Variants in SLC12A1 observed in about 807,000 individuals in gnomAD.
SLC12A1 encodes the protein solute carrier family 12 member 1, also known as Na-K-2Cl cotransporter.
SLC12A1 carries 89 observed loss-of-function variants against 130.4 expected under a neutral mutation model. The observed-to-expected ratio is 0.68, with a 90% CI of 0.58 to 0.81. The LOEUF (loss-of-function observed/expected upper bound fraction) is 0.81, where lower values mean the gene tolerates loss of function less well. Ranked by LOEUF, SLC12A1 falls within the 40% of genes least tolerant of loss-of-function variation. The pLI is 0.00. For missense variants in SLC12A1, 1,310 were observed against 1,336.4 expected (o/e 0.98, Z 0.31); for synonymous variants, 499 against 460.0 (o/e 1.08, Z -1.09).
intron 26 of SLC12A1, 110 bp downstream of exon 26, chr15:48,301,492 GT>G: frequency 1.8e-6 from 1 of 567,858 alleles, no homozygotes; most frequent in Non-Finnish European, 2.6e-6. Flanking sequence ...TTTTGTTTTT[GT>G]GTTTTTTTTG....
intron 11 of SLC12A1, 150 bp downstream of exon 11, chr15:48,245,054 C>G (rs1055568619): frequency 3.9e-5 from 29 of 751,326 alleles, no homozygotes; most frequent in Non-Finnish European, 6.4e-5. Context: ...AGGAGTCATA[C>G]AGTCATTACA....
chr15:48,216,315 A>G (rs1351486641), intron 2 of SLC12A1, among the ~76,000 whole-genome samples: 2 of 152,242 alleles, frequency 1.3e-5, no homozygotes, highest in African/African-American at 4.8e-5. Context: ...AAGGGCATCC[A>G]TCAGGAAGGA....
intron 20 of SLC12A1, among the ~76,000 whole-genome samples, chr15:48,276,625 G>A (rs973784212): frequency 1.3e-5 from 2 of 152,126 alleles, no homozygotes; most frequent in African/African-American, 4.8e-5. Context: ...CCGGCCTCCA[G>A]AATTGTGAGG....
chr15:48,242,143 T>C (rs1311635982), intron 10 of SLC12A1, among the ~76,000 whole-genome samples: 2 of 152,194 alleles, frequency 1.3e-5, no homozygotes, highest in African/African-American at 2.4e-5. Context: ...AGCCCCTACA[T>C]TGTTCAGTGA....
At chr15:48,273,416 A>G (rs577694151) in intron 19 of SLC12A1, among the ~76,000 whole-genome samples, 5 of 152,146 alleles carry the variant, frequency 3.3e-5, no homozygotes, top group South Asian at 4.1e-4. Flanking sequence ...TAATCTCCCC[A>G]TCTCAAAGTC....
chr15:48,240,127 A>G (rs1489839346), intron 9 of SLC12A1, among the ~76,000 whole-genome samples: 2 of 142,094 alleles, frequency 1.4e-5, no homozygotes, highest in Admixed American at 1.4e-4. Context: ...ATATATATAT[A>G]ATATGCATAA....
At chr15:48,276,049 T>C (rs2141099532) in intron 20 of SLC12A1, among the ~76,000 whole-genome samples, 1 of 152,230 alleles carries the variant, frequency 6.6e-6, no homozygotes, top group East Asian at 1.9e-4. Context: ...AAGAACAGAA[T>C]TGAAAAGTAT....
chr15:48,226,774 T>C (rs2041294273), intron 5 of SLC12A1: 1 of 616,742 alleles, frequency 1.6e-6, no homozygotes, highest in Middle Eastern at 3.8e-4. Flanking sequence ...TGGATCTCTC[T>C]GGCACATTGT....
chr15:48,254,628 A>C (rs1268846251), intron 15 of SLC12A1, among the ~76,000 whole-genome samples: 3 of 139,652 alleles, frequency 2.1e-5, no homozygotes, highest in Admixed American at 1.4e-4. Flanking sequence ...AAAAAAAAAA[A>C]AACCCAAAAA....
chr15:48,220,173 A>AGAT (rs2041191398), intron 2 of SLC12A1, among the ~76,000 whole-genome samples: 1 of 150,734 alleles, frequency 6.6e-6, no homozygotes, highest in Non-Finnish European at 1.5e-5. Context: ...ATAGATAGAT[A>AGAT]GATAGATAGA....
At chr15:48,301,242 T>A in intron 25 of SLC12A1, 73 bp from the exon 26 acceptor site, 1 of 1,024,604 alleles carries the variant, frequency 9.8e-7, no homozygotes. Context: ...TGCTTGTTCA[T>A]GATTTAAGAA....
intron 23 of SLC12A1, among the ~76,000 whole-genome samples, chr15:48,289,179 T>C (rs932318082): frequency 1.3e-5 from 2 of 151,294 alleles, no homozygotes; most frequent in South Asian, 4.2e-4. Flanking sequence ...GTGAGAATAA[T>C]AAGCATGCTG....
rs886051214 is a variant in SLC12A1 at position 48,288,497 on chromosome 15, A to C, written c.2854A>C (p.Ile952Leu). 3.9e-6 allele frequency: 6 copies of C among 1,538,910 alleles called. No homozygotes were observed. The highest frequency in any genetic ancestry group is 2.7e-5 in the African/African-American group (2 of 72,968). The change falls in exon 23 of 27, where the codon ATT (isoleucine) becomes CTT (leucine). Residue 952 changes from isoleucine to leucine, a missense_variant. Physicochemically the swap from Ile to Leu is conservative, Grantham distance 5 (BLOSUM62 2). Transcript: ENST00000380993. ...CTATGTGGGAGGGAAGATCAACCGCATTGAAGAAGAAAAAATTGTGTAAGT... is the reference window on the plus strand; with the variant it reads ...CTATGTGGGAGGGAAGATCAACCGCCTTGAAGAAGAAAAAATTGTGTAAGT... The part of the protein sequence containing the change: ...RIYVGGKINR[I>L]EEEKIVMASL...
chr15:48,288,380 T>C (rs997019168), intron 22 of SLC12A1, 25 bp from the exon 23 acceptor site: 1 of 1,240,844 alleles, frequency 8.1e-7, no homozygotes, highest in Non-Finnish European at 1.1e-6. Flanking sequence ...ATACTCATTG[T>C]GTCATAATTT....
chr15:48,285,371 G>C (rs1316752500), intron 21 of SLC12A1, 122 bp downstream of exon 21: 1 of 877,120 alleles, frequency 1.1e-6, no homozygotes, highest in Non-Finnish European at 1.8e-6. Context: ...GGAACTGAAA[G>C]GTTTCTCTCC....
intron 22 of SLC12A1, 43 bp from the exon 23 acceptor site, chr15:48,288,362 A>T: frequency 8.7e-7 from 1 of 1,154,348 alleles, no homozygotes; most frequent in Non-Finnish European, 1.3e-6. Context: ...ATTTCCTTCC[A>T]TTTAGATATA....
chr15:48,281,220 G>A (rs536803035), intron 20 of SLC12A1, among the ~76,000 whole-genome samples: 15 of 152,240 alleles, frequency 9.9e-5, no homozygotes, highest in South Asian at 8.3e-4. Context: ...TAGTACCTAC[G>A]TCACAGATTT....
chr15:48,213,748 C>T (rs753567303), intron 2 of SLC12A1, among the ~76,000 whole-genome samples: 1 of 152,078 alleles, frequency 6.6e-6, no homozygotes, highest in Non-Finnish European at 1.5e-5. Flanking sequence ...TGGTCTCGAT[C>T]TCCTGACCTC....
chr15:48,241,611 G>A lies in SLC12A1; in HGVS notation c.1300+12G>A, dbSNP rs147511178. ...TGCAATTTGTGTAGGTAAGTGGTACGTCTCCAGTGTCAGAATGTCAGAATT... is the reference window on the plus strand; with the variant it reads ...TGCAATTTGTGTAGGTAAGTGGTACATCTCCAGTGTCAGAATGTCAGAATT... On this transcript the variant is annotated intron_variant, in intron 10 of 26. Transcript: ENST00000380993. The A allele has an allele frequency of 3.9e-3, 6,212 of 1,584,184 alleles. 22 individuals carry two copies. Among genetic ancestry groups the A allele is most frequent in the Non-Finnish European group, 4.0e-3 (4,666 of 1,152,868 alleles).
Sources: gnomAD v4.1 joint callset for allele counts (sites outside exome capture counted in the v4.1 genomes callset) on GRCh38, gnomAD v4.1.1 for gene constraint, MANE v1.5 for transcripts, NCBI Gene and HGNC (gene_info 2026-07-23, HGNC 2026-07-21) for gene names.